PHLPP1: variants seen among roughly 807,000 people sequenced by gnomAD.
PHLPP1 encodes PH domain and leucine rich repeat protein phosphatase 1, also known as PH domain leucine-rich repeat-containing protein phosphatase 1.
A neutral mutation model predicts 117.2 loss-of-function variants in PHLPP1; 42 were observed. The observed-to-expected ratio is 0.36, with a 90% confidence interval of 0.28 to 0.46. The LOEUF is 0.46. Ranked by LOEUF, PHLPP1 falls within the 20% of genes least tolerant of loss-of-function variation. PHLPP1 has a pLI of 1.00. For synonymous variants in PHLPP1, 1,042 were observed against 970.7 expected, an observed-to-expected ratio of 1.07 and a Z score of -1.37; for missense variants, 2,084 against 2,241.9, an observed-to-expected ratio of 0.93 and a Z score of 1.42.
intron 1 of PHLPP1, among the ~76,000 whole-genome samples, chr18:62,753,429 A>T (rs188000417): frequency 6.6e-6 from 1 of 152,354 alleles, no homozygotes; most frequent in East Asian, 1.9e-4. Flanking sequence ...TTATAATAGT[A>T]ATATAATAAC....
chr18:62,900,067 C>T (rs1193925955), intron 6 of PHLPP1, among the ~76,000 whole-genome samples: 1 of 152,074 alleles, frequency 6.6e-6, no homozygotes, highest in Non-Finnish European at 1.5e-5. Context: ...GAGGCCGAGG[C>T]AGGTGGATCA....
At chr18:62,854,847 C>T (rs1028554719) in intron 3 of PHLPP1, among the ~76,000 whole-genome samples, 1 of 152,082 alleles carries the variant, frequency 6.6e-6, no homozygotes, top group Non-Finnish European at 1.5e-5. Context: ...CAGGCACCCA[C>T]CACCACGCCT....
intron 1 of PHLPP1, among the ~76,000 whole-genome samples, chr18:62,769,883 A>G (rs1260118823): frequency 6.6e-6 from 1 of 152,150 alleles, no homozygotes; most frequent in African/African-American, 2.4e-5. Context: ...CCTTATCATT[A>G]CTTTTTGTTC....
In PHLPP1 at chr18:62,715,764, C is replaced by A; in HGVS notation, c.81C>A (p.Ala27=). 1 of 900,444 alleles carries A rather than the reference C, an allele frequency of 1.1e-6. No individual in the cohort carries two copies. Among genetic ancestry groups the A allele is most frequent in the Non-Finnish European group, 1.4e-6 (1 of 733,824 alleles). The allele number at this position is 900,444 out of a possible 1,614,324, so 55.8% of individuals were successfully genotyped here. The change falls in exon 1 of 17, where the codon GCC becomes GCA. Residue 27 remains alanine (A), a synonymous_variant. Transcript: ENST00000262719. ...ACCGAGCTTCGGCTCCGGCGGCCGC[C>A]GCTGCGGCAGCAGCAGCAGCAGCGG... ...REDRASAPAA[A]AAAAAAAAAA...
intron 1 of PHLPP1, 45 bp from the exon 2 acceptor site, chr18:62,829,990 G>C: frequency 6.9e-7 from 1 of 1,449,484 alleles, no homozygotes; most frequent in Non-Finnish European, 9.5e-7. Context: ...AGTAGGAAAA[G>C]GGTCCATTTT....
chr18:62,922,794 T>C (rs1161841157), intron 10 of PHLPP1, among the ~76,000 whole-genome samples: 1 of 152,224 alleles, frequency 6.6e-6, no homozygotes, highest in Non-Finnish European at 1.5e-5. Context: ...GTTTCTGTAT[T>C]TCATTCTCTG....
rs773581332 is a variant in PHLPP1 at position 62,717,174 on chromosome 18, C to T, written c.1491C>T (p.Leu497=). The T allele has an allele frequency of 7.4e-6, 12 of 1,613,526 alleles. No individual in the cohort carries two copies. The South Asian group carries it at 1.3e-4, about 18-fold the overall frequency. ...CATTGCAGATCCAAAATGACTACCT[C>T]TTCCAACTGGGATTTGGGGAGCTGT... ...EKPLQIQNDY[L]FQLGFGELWR... The change falls in exon 1 of 17, where the codon CTC becomes CTT. Residue 497 remains leucine (L), a synonymous_variant. Transcript: ENST00000262719.
rs192523538 is a variant in PHLPP1 at position 62,781,000 on chromosome 18, G to A, written c.1577-49035G>A. 3.4e-4 allele frequency among the ~76,000 whole-genome samples: 52 copies of A among 152,284 alleles called. 1 individual carries two copies. The East Asian group carries it at 4.2e-3, about 12-fold the overall frequency. The stretch of plus-strand genomic sequence containing the variant: ...CAGGTTGTGTGTTTCAATGGGAAAA[G>A]CATGCATTTAGACATTTGGGTTTAT... On this transcript the variant is annotated intron_variant, in intron 1 of 16. Coordinates refer to ENST00000262719, the MANE Select transcript of PHLPP1 (RefSeq NM_194449.4).
chr18:62,824,248 G>A (rs1381273806), intron 1 of PHLPP1: 2 of 454,124 alleles, frequency 4.4e-6, no homozygotes, highest in East Asian at 1.4e-4. Context: ...TTACCCGAGA[G>A]GAATCAAAAC....
At chr18:62,930,510 G>A (rs1909777019) in intron 10 of PHLPP1, among the ~76,000 whole-genome samples, 1 of 152,058 alleles carries the variant, frequency 6.6e-6, no homozygotes, top group Non-Finnish European at 1.5e-5. Context: ...TCAACCAGAA[G>A]ATTTAATTAT....
At chr18:62,777,621 A>G (rs1432491687) in intron 1 of PHLPP1, among the ~76,000 whole-genome samples, 3 of 152,004 alleles carry the variant, frequency 2.0e-5, no homozygotes, top group Admixed American at 2.0e-4. Flanking sequence ...TAAAGTCACA[A>G]AGATTTTTCT....
At chr18:62,756,827 A>G (rs1912037113) in intron 1 of PHLPP1, among the ~76,000 whole-genome samples, 1 of 152,340 alleles carries the variant, frequency 6.6e-6, no homozygotes, top group African/African-American at 2.4e-5. Flanking sequence ...AGTTAGGGGC[A>G]GGGTTGACTT....
rs1910772339 is a variant in PHLPP1 at position 62,717,036 on chromosome 18, C to G, written c.1353C>G (p.Thr451=). The change falls in exon 1 of 17, where the codon ACC becomes ACG. Residue 451 remains threonine (T), a synonymous_variant. Coordinates refer to ENST00000262719, the MANE Select transcript of PHLPP1 (RefSeq NM_194449.4). ...AAVAPGGLQS[T]PGRSGVTAEK... ...TGGCCCCGGGAGGCCTCCAGTCTAC[C>G]CCCGGGAGGAGCGGGGTGACCGCGG... The G allele has an allele frequency of 1.3e-6, 2 of 1,546,210 alleles. No homozygotes were observed. The highest frequency in any genetic ancestry group is 1.7e-6 in the Non-Finnish European group (2 of 1,146,252).
chr18:62,838,260 T>G (rs1914961597), intron 2 of PHLPP1: 1 of 152,224 alleles, frequency 6.6e-6, no homozygotes, highest in Admixed American at 6.5e-5. Context: ...TTACTTTTGG[T>G]GTGTATTTTT....
At chr18:62,844,779 G>A (rs1234519226) in intron 3 of PHLPP1, among the ~76,000 whole-genome samples, 1 of 152,186 alleles carries the variant, frequency 6.6e-6, no homozygotes, top group African/African-American at 2.4e-5. Context: ...TAGTGATGTA[G>A]CATGTGGTAC....
At chr18:62,932,878 A>G (rs960021988) in intron 10 of PHLPP1, among the ~76,000 whole-genome samples, 5 of 152,222 alleles carry the variant, frequency 3.3e-5, no homozygotes, top group Non-Finnish European at 7.3e-5. Flanking sequence ...AAGTTCCTCC[A>G]AAAGACTCTC....
chr18:62,849,465 A>G (rs1915265025), intron 3 of PHLPP1, among the ~76,000 whole-genome samples: 1 of 151,742 alleles, frequency 6.6e-6, no homozygotes. Context: ...GTTCGAGACC[A>G]CCCTGGCCAA....
At chr18:62,976,676 C>T (rs1232773290) in intron 16 of PHLPP1, among the ~76,000 whole-genome samples, 1 of 152,224 alleles carries the variant, frequency 6.6e-6, no homozygotes, top group African/African-American at 2.4e-5. Context: ...TGCACAGAAT[C>T]CCATGTATAG....
At position 62,716,912 on chromosome 18, in the gene PHLPP1, C is replaced by T. The variant is rs1468829890; in HGVS notation, c.1229C>T (p.Ala410Val). 3 of 1,533,020 alleles carry T rather than the reference C, an allele frequency of 2.0e-6. No individual in the cohort carries two copies. Among genetic ancestry groups the T allele is most frequent in the South Asian group, 1.2e-5 (1 of 83,756 alleles). 95.0% of individuals were successfully genotyped at this position (1,533,020 alleles called of 1,614,324 possible). A position where few individuals can be genotyped will look rare whatever the true frequency, so the allele number is the denominator to read the frequency against. Residue 410 changes from alanine (A) to valine (V), a missense_variant, in exon 1 of 17, where the codon GCT (alanine) becomes GTT (valine). Around this residue, in one of 2 missense-constraint regions of PHLPP1, gnomAD observed 719 missense variants for 636.0 expected, o/e 1.13. Transcript: ENST00000262719. The surrounding 1 kb of genome is among the most constrained non-coding windows in gnomAD (Gnocchi z 5.7). Reference protein sequence around the residue: ...PAQPLPLPQTASSPQPQQKAP... With the variant: ...PAQPLPLPQTVSSPQPQQKAP... Reference sequence around the variant, plus strand: ...CAGCCCCTCCCGCTTCCCCAGACGGCTTCCTCGCCTCAGCCGCAGCAGAAA... The same window carrying T: ...CAGCCCCTCCCGCTTCCCCAGACGGTTTCCTCGCCTCAGCCGCAGCAGAAA...
Sources: gnomAD v4.1 joint callset for allele counts (sites outside exome capture counted in the v4.1 genomes callset) on GRCh38, gnomAD v4.1.1 for gene constraint, gnomAD v4.1.1 regional missense constraint, Gnocchi (gnomAD v3.1) non-coding constraint, MANE v1.5 for transcripts, NCBI Gene and HGNC (gene_info 2026-07-23, HGNC 2026-07-21) for gene names.